The following RPH3A variants were observed in gnomAD, a reference collection of about 807,000 sequenced individuals.
The protein encoded by RPH3A is rabphilin 3A.
In RPH3A, 48 loss-of-function variants were observed where a neutral mutation model predicts 102.2. The observed-to-expected ratio is 0.47, with a 90% confidence interval of 0.37 to 0.60. The LOEUF (loss-of-function observed/expected upper bound fraction) is 0.60. Ranked by LOEUF, RPH3A falls within the 20% of genes least tolerant of loss-of-function variation. RPH3A has a pLI of 0.00. For missense variants in RPH3A, 781 were observed against 910.1 expected, an observed-to-expected ratio of 0.86 and a Z score of 1.83; for synonymous variants, 310 against 324.3, an observed-to-expected ratio of 0.96 and a Z score of 0.47.
At chr12:112,851,666 T>C (rs547507362) in intron 5 of RPH3A, among the ~76,000 whole-genome samples, 8 of 152,162 alleles carry the variant, frequency 5.3e-5, no homozygotes, top group Non-Finnish European at 7.3e-5. Context: ...ATGGAGCTCA[T>C]GGGCTTCTGC....
intron 1 of RPH3A, among the ~76,000 whole-genome samples, chr12:112,706,519 C>A (rs997791178): frequency 2.6e-5 from 4 of 152,158 alleles, no homozygotes; most frequent in Admixed American, 6.5e-5. Flanking sequence ...CATTCTCCTG[C>A]CCTGCTTCTG....
intron 1 of RPH3A, among the ~76,000 whole-genome samples, chr12:112,694,859 G>A (rs571234905): frequency 1.3e-5 from 2 of 152,316 alleles, no homozygotes; most frequent in South Asian, 2.1e-4. Flanking sequence ...ATGTGTGAGT[G>A]ACGATTAAGT....
intron 2 of RPH3A, among the ~76,000 whole-genome samples, chr12:112,806,434 A>T (rs922112580): frequency 6.6e-6 from 1 of 152,184 alleles, no homozygotes; most frequent in Non-Finnish European, 1.5e-5. Context: ...CAGGAATTTG[A>T]GACCAGTTTG....
At chr12:112,766,903 C>G (rs1385701047) in intron 1 of RPH3A, among the ~76,000 whole-genome samples, 1 of 152,166 alleles carries the variant, frequency 6.6e-6, no homozygotes, top group East Asian at 1.9e-4. Flanking sequence ...AGTGGGGTGA[C>G]CACCTCTTTC....
intron 1 of RPH3A, among the ~76,000 whole-genome samples, chr12:112,587,331 G>A (rs2039446539): frequency 6.6e-6 from 1 of 152,230 alleles, no homozygotes; most frequent in South Asian, 2.1e-4. Context: ...CAAGTTCATA[G>A]TCTTAATACG....
intron 2 of RPH3A, among the ~76,000 whole-genome samples, chr12:112,802,067 A>T (rs571651796): frequency 6.6e-6 from 1 of 151,842 alleles, no homozygotes; most frequent in Non-Finnish European, 1.5e-5. Flanking sequence ...ATTTCTGAAA[A>T]TTTTTTTCTC....
chr12:112,808,643 G>T (rs928834835), intron 2 of RPH3A, among the ~76,000 whole-genome samples: 5 of 152,172 alleles, frequency 3.3e-5, no homozygotes, highest in African/African-American at 9.7e-5. Context: ...AGAACATTTG[G>T]TCTCCTGGGT....
chr12:112,656,038 G>A (rs1399066302), intron 1 of RPH3A, among the ~76,000 whole-genome samples: 1 of 152,080 alleles, frequency 6.6e-6, no homozygotes, highest in Non-Finnish European at 1.5e-5. Flanking sequence ...GTCACTCTAC[G>A]TGGCCTCTTA....
intron 2 of RPH3A, chr12:112,813,431 G>T (rs1033911637): frequency 6.6e-6 from 1 of 152,210 alleles, no homozygotes; most frequent in Non-Finnish European, 1.5e-5. Context: ...TGGAAAGGAG[G>T]GGGGAATAGA....
chr12:112,648,597 A>AAAAAAAAAAAAAAAAAAC (rs1282209199), intron 1 of RPH3A, among the ~76,000 whole-genome samples: 2 of 141,292 alleles, frequency 1.4e-5, no homozygotes, highest in African/African-American at 5.3e-5. Context: ...AAAAAAAAAA[A>AAAAAAAAAAAAAAAAAAC]AGCTAGGTGT....
At chr12:112,615,896 G>A (rs1171411464) in intron 1 of RPH3A, among the ~76,000 whole-genome samples, 2 of 152,092 alleles carry the variant, frequency 1.3e-5, no homozygotes, top group African/African-American at 2.4e-5. Context: ...AATGACGCCT[G>A]GCAGCTAGTA....
At chr12:112,786,619 C>T (rs1350027178) in intron 1 of RPH3A, among the ~76,000 whole-genome samples, 1 of 152,166 alleles carries the variant, frequency 6.6e-6, no homozygotes, top group Admixed American at 6.5e-5. Context: ...CAGGCTAAAG[C>T]TTTGAGCATG....
rs748207633 is a variant in RPH3A, at chr12:112,672,753, G to A, written c.-140+97434G>A. 2.0e-5 allele frequency among the ~76,000 whole-genome samples: 3 copies of A among 152,276 alleles called. No homozygotes were observed. In the East Asian group the frequency reaches 5.8e-4, roughly 29 times the overall value. ...CCGTCAGACAGATTACATCTCGGGC[G>A]ACCAGCCCTCCTGTTGTGCCCAGGA... On this transcript the variant is annotated intron_variant, in intron 1 of 21. Transcript: ENST00000543106.
At chr12:112,744,473 G>A (rs1348338166) in intron 1 of RPH3A, among the ~76,000 whole-genome samples, 2 of 152,192 alleles carry the variant, frequency 1.3e-5, no homozygotes, top group East Asian at 3.8e-4. Context: ...TTCATGGGCA[G>A]CATTTATCTG....
At chr12:112,649,958 T>C (rs1313814073) in intron 1 of RPH3A, among the ~76,000 whole-genome samples, 1 of 152,212 alleles carries the variant, frequency 6.6e-6, no homozygotes, top group East Asian at 1.9e-4. Flanking sequence ...CTTAACCATT[T>C]AAAGACCTTA....
chr12:112,635,818 ACTT>A (rs140682809), intron 1 of RPH3A, among the ~76,000 whole-genome samples: 51 of 152,102 alleles, frequency 3.4e-4, no homozygotes, highest in Admixed American at 2.9e-3. Flanking sequence ...GCATAAGTTG[ACTT>A]CTTCTTCTTC....
chr12:112,866,122 T>G (rs1308672516), intron 6 of RPH3A, among the ~76,000 whole-genome samples: 1 of 152,182 alleles, frequency 6.6e-6, no homozygotes, highest in Non-Finnish European at 1.5e-5. Context: ...CTCCAAGAGT[T>G]CAGTTGAACA....
intron 1 of RPH3A, among the ~76,000 whole-genome samples, chr12:112,717,057 C>T (rs2040517942): frequency 6.6e-6 from 1 of 152,130 alleles, no homozygotes; most frequent in Non-Finnish European, 1.5e-5. Flanking sequence ...TTATAACGGC[C>T]TATAACATAG....
chr12:112,678,239 AAGAAAG>A (rs1384718729), intron 1 of RPH3A, among the ~76,000 whole-genome samples: 2 of 8,980 alleles, frequency 2.2e-4, no homozygotes, highest in Non-Finnish European at 3.7e-4. Context: ...TGTCGAAAGA[AAGAAAG>A]AAAGAAAGAA....
Sources: gnomAD v4.1 joint callset for allele counts (sites outside exome capture counted in the v4.1 genomes callset) on GRCh38, gnomAD v4.1.1 for gene constraint, MANE v1.5 for transcripts, NCBI Gene and HGNC (gene_info 2026-07-23, HGNC 2026-07-21) for gene names.